The following BACH2 variants were observed in gnomAD, a reference collection of about 807,000 sequenced individuals.
BACH2 encodes the protein transcription regulator protein BACH2.
Under a neutral mutation model 61.8 loss-of-function variants are expected in BACH2, and 5 were observed. The ratio of observed to expected loss-of-function variants is 0.08; its 90% CI spans 0.04 to 0.17. The LOEUF (loss-of-function observed/expected upper bound fraction) is 0.17, where lower values mean the gene tolerates loss of function less well. Among genes scored for constraint, BACH2 ranks in the 10% least tolerant of loss-of-function variants. BACH2 has a pLI of 1.00. For missense variants in BACH2, 824 were observed against 1,091.1 expected, an observed-to-expected ratio of 0.76 and a Z score of 3.45; for synonymous variants, 446 against 440.1, an observed-to-expected ratio of 1.01 and a Z score of -0.17.
intron 7 of BACH2, among the ~76,000 whole-genome samples, chr6:89,941,619 G>A (rs765859055): frequency 1.4e-4 from 21 of 152,122 alleles, no homozygotes; most frequent in Non-Finnish European, 7.4e-5. Context: ...TCTTATACCC[G>A]TTGGATAACA....
At chr6:90,143,491 C>T (rs1276484581) in intron 4 of BACH2, among the ~76,000 whole-genome samples, 1 of 152,126 alleles carries the variant, frequency 6.6e-6, no homozygotes, top group East Asian at 1.9e-4. Flanking sequence ...ACCACACCTC[C>T]CCACCCTGGT....
chr6:90,235,123 A>C (rs1232289570), intron 3 of BACH2, among the ~76,000 whole-genome samples: 2 of 152,248 alleles, frequency 1.3e-5, no homozygotes, highest in Admixed American at 6.5e-5. Flanking sequence ...GGCTGCAAGC[A>C]AAAGAGATTT....
intron 4 of BACH2, among the ~76,000 whole-genome samples, chr6:90,108,176 C>T (rs772237626): frequency 1.3e-5 from 2 of 152,160 alleles, no homozygotes; most frequent in African/African-American, 2.4e-5. Context: ...CTTAAACCAC[C>T]CCCTCACCTG....
At position 89,957,007 on chromosome 6, in the gene BACH2, C is replaced by T. The variant is rs918065720; in HGVS notation, c.244-5145G>A. ...CTTACATCTTCAGCAACACCATGTA[C>T]ACTTTCCTGATGAAGCTGAATCTCT... On this transcript the variant is annotated intron_variant, in intron 6 of 8. Coordinates refer to ENST00000257749, the MANE Select transcript of BACH2 (RefSeq NM_021813.4). 1.9e-4 allele frequency among the ~76,000 whole-genome samples: 29 copies of T among 152,204 alleles called. 1 individual carries two copies.
chr6:90,119,100 A>T (rs1272653407), intron 4 of BACH2, among the ~76,000 whole-genome samples: 2 of 152,212 alleles, frequency 1.3e-5, no homozygotes, highest in East Asian at 3.9e-4. Context: ...ATGTGACATG[A>T]TATCATATAA....
At chr6:90,203,677 C>G (rs1026185740) in intron 4 of BACH2, among the ~76,000 whole-genome samples, 16 of 152,202 alleles carry the variant, frequency 1.1e-4, no homozygotes, top group African/African-American at 3.4e-4. Flanking sequence ...GCTGTCTACT[C>G]TGTGTAAACC....
chr6:90,036,536 C>T (rs1779272541), intron 5 of BACH2, among the ~76,000 whole-genome samples: 1 of 152,094 alleles, frequency 6.6e-6, no homozygotes, highest in Non-Finnish European at 1.5e-5. Flanking sequence ...CCTACATACC[C>T]ATCACTTAGA....
At chr6:90,135,056 A>G (rs550916765) in intron 4 of BACH2, among the ~76,000 whole-genome samples, 8 of 152,276 alleles carry the variant, frequency 5.3e-5, no homozygotes, top group Admixed American at 2.6e-4. Flanking sequence ...TCCTGCCCCA[A>G]TGGAGTGATG....
At chr6:89,952,376 T>A (rs1000874087) in intron 6 of BACH2, among the ~76,000 whole-genome samples, 2 of 152,190 alleles carry the variant, frequency 1.3e-5, no homozygotes, top group African/African-American at 4.8e-5. Context: ...TCACTTACAA[T>A]GTTAAAAGAG....
intron 6 of BACH2, among the ~76,000 whole-genome samples, chr6:89,992,179 A>G (rs1340952368): frequency 3.3e-5 from 5 of 152,204 alleles, no homozygotes; most frequent in African/African-American, 1.2e-4. Flanking sequence ...TTCTTTTTAC[A>G]AAGTATGCAA....
chr6:90,244,278 T>C (rs1464057046), intron 3 of BACH2, among the ~76,000 whole-genome samples: 1 of 152,242 alleles, frequency 6.6e-6, no homozygotes. Context: ...AATACAGTAA[T>C]AGCTAACATT....
chr6:90,058,419 A>T (rs907615989), intron 5 of BACH2, among the ~76,000 whole-genome samples: 18 of 152,242 alleles, frequency 1.2e-4, no homozygotes, highest in African/African-American at 4.1e-4. Context: ...CTTACAAGGG[A>T]TATGAAGGAG....
chr6:90,133,527 TTTTATTTA>T (rs76741149), intron 4 of BACH2, among the ~76,000 whole-genome samples: 3 of 141,646 alleles, frequency 2.1e-5, no homozygotes, highest in African/African-American at 9.3e-5. Context: ...TTTTATTTTA[TTTTATTTA>T]TTTATTTATT....
chr6:90,022,503 G>C (rs2127785349), intron 5 of BACH2, among the ~76,000 whole-genome samples: 1 of 152,328 alleles, frequency 6.6e-6, no homozygotes, highest in Non-Finnish European at 1.5e-5. Context: ...AGAATTGCTT[G>C]AACCCAGGAG....
rs140430209 is a variant in BACH2 at position 90,257,672 on chromosome 6, T to C, written c.-352-5082A>G. On this transcript the variant is annotated intron_variant, in intron 2 of 8. Coordinates refer to ENST00000257749, the MANE Select transcript of BACH2 (RefSeq NM_021813.4). Reference sequence around the variant, plus strand: ...ATATATCTGATGTACATTGGAATATTGGGATATACTGATTGGAATTTTTTC... The same window carrying C: ...ATATATCTGATGTACATTGGAATATCGGGATATACTGATTGGAATTTTTTC... Among the ~76,000 whole-genome samples, 314 of 152,350 alleles carry C rather than the reference T, an allele frequency of 2.1e-3. 1 individual carries two copies. Among genetic ancestry groups the C allele is most frequent in the Non-Finnish European group, 3.8e-3 (258 of 68,028 alleles).
rs1767897291 is a variant in BACH2, at chr6:90,173,803, A to G, written c.-162+32766T>C. 2.0e-5 allele frequency among the ~76,000 whole-genome samples: 3 copies of G among 152,158 alleles called. No homozygotes were observed. In the South Asian group the frequency reaches 6.2e-4, roughly 31 times the overall value. ...AAATTCATCAAACTGTACACTTAAA[A>G]TATGTGAGTTTGATCATATGAAAAT... On this transcript the variant is annotated intron_variant, in intron 4 of 8. Transcript: ENST00000257749.
At chr6:90,291,878 A>G (rs1373213819) in intron 1 of BACH2, among the ~76,000 whole-genome samples, 1 of 152,090 alleles carries the variant, frequency 6.6e-6, no homozygotes, top group Non-Finnish European at 1.5e-5. Context: ...AGAAATTCCA[A>G]TTTTTGCAAC....
rs115601585 is a variant in BACH2, at chr6:90,225,456, A to G, written c.-274-18775T>C. Among the ~76,000 whole-genome samples, 1,413 of 152,260 alleles carry G rather than the reference A, an allele frequency of 9.3e-3. 23 individuals carry two copies. The highest frequency in any genetic ancestry group is 0.034 in the South Asian group (165 of 4,826). ...AGTTAGTGGGGAGAGACAGACGATA[A>G]TCACAAATAAGAAACTTGTTGTAAG... On this transcript the variant is annotated intron_variant, in intron 3 of 8. Transcript: ENST00000257749.
At chr6:90,068,894 T>TC (rs34986478) in intron 5 of BACH2, among the ~76,000 whole-genome samples, 1 of 152,266 alleles carries the variant, frequency 6.6e-6, no homozygotes, top group East Asian at 1.9e-4. Context: ...GCAGCAATGC[T>TC]CCCCTGGATT....
Sources: allele counts gnomAD v4.1 joint callset (sites outside exome capture counted in the v4.1 genomes callset), GRCh38; gene constraint gnomAD v4.1.1; transcripts MANE v1.5; gene names NCBI Gene and HGNC (gene_info 2026-07-23, HGNC 2026-07-21).